TRPM3: variants seen among roughly 807,000 people sequenced by gnomAD.
TRPM3 encodes the protein transient receptor potential cation channel subfamily M member 3.
TRPM3 carries 77 observed loss-of-function variants against 181.2 expected under a neutral mutation model. The observed-to-expected ratio is 0.42, with a 90% CI of 0.35 to 0.51. The LOEUF (loss-of-function observed/expected upper bound fraction) is 0.51, where lower values mean the gene tolerates loss of function less well. Ranked by LOEUF, TRPM3 falls within the 20% of genes least tolerant of loss-of-function variation. The probability of loss-of-function intolerance (pLI) is 0.01; values close to 1 mark genes in which losing one functional copy is unlikely to be tolerated. For synonymous variants in TRPM3, 745 were observed against 796.4 expected (o/e 0.94, Z 1.09); for missense variants, 1,759 against 2,196.7 (o/e 0.80, Z 3.98).
chr9:71,214,003 T>C (rs889126775), intron 1 of TRPM3, among the ~76,000 whole-genome samples: 3 of 152,206 alleles, frequency 2.0e-5, no homozygotes, highest in African/African-American at 7.2e-5. Flanking sequence ...AATGCTTTGT[T>C]TTCTGCCTCC....
At chr9:71,384,578 G>C (rs951315576) in intron 1 of TRPM3, among the ~76,000 whole-genome samples, 7 of 152,132 alleles carry the variant, frequency 4.6e-5, no homozygotes, top group Admixed American at 4.6e-4. Context: ...TTGTTGCCAT[G>C]GAAACTGCCA....
At chr9:70,801,956 C>T (rs924568700) in intron 6 of TRPM3, among the ~76,000 whole-genome samples, 2 of 152,156 alleles carry the variant, frequency 1.3e-5, no homozygotes, top group Non-Finnish European at 2.9e-5. Context: ...TAGCATGCAT[C>T]AGAATTCCCT....
chr9:70,923,765 T>C (rs2133315039), intron 1 of TRPM3, among the ~76,000 whole-genome samples: 2 of 148,530 alleles, frequency 1.3e-5, no homozygotes, highest in East Asian at 4.0e-4. Flanking sequence ...CTTGGCCGAG[T>C]AATACTGGCA....
chr9:70,583,660 G>A (rs908706572), intron 22 of TRPM3, among the ~76,000 whole-genome samples: 3 of 152,198 alleles, frequency 2.0e-5, no homozygotes, highest in Non-Finnish European at 2.9e-5. Context: ...TTCAAAAGGA[G>A]AGCCTCCTTT....
intron 1 of TRPM3, among the ~76,000 whole-genome samples, chr9:71,422,493 G>A (rs1478117536): frequency 5.3e-5 from 8 of 151,928 alleles, no homozygotes; most frequent in African/African-American, 7.2e-5. Context: ...TTGACCACAT[G>A]CCTAATTTCC....
At chr9:71,004,245 T>C (rs1354633670) in intron 1 of TRPM3, among the ~76,000 whole-genome samples, 2 of 152,226 alleles carry the variant, frequency 1.3e-5, no homozygotes, top group East Asian at 3.9e-4. Context: ...CCTGGCTGAA[T>C]TTCCCACAAA....
chr9:71,142,575 G>A (rs536697498), intron 1 of TRPM3, among the ~76,000 whole-genome samples: 53 of 151,926 alleles, frequency 3.5e-4, no homozygotes, highest in Admixed American at 1.6e-3. Context: ...TTTAAAGTGA[G>A]ATCAAATCTA....
chr9:70,658,910 T>A (rs189900129), intron 9 of TRPM3, among the ~76,000 whole-genome samples: 1 of 152,174 alleles, frequency 6.6e-6, no homozygotes, highest in East Asian at 1.9e-4. Context: ...TCTTTTTGAC[T>A]TTTGGTTTAA....
chr9:71,118,274 T>G (rs573972696), intron 1 of TRPM3, among the ~76,000 whole-genome samples: 32 of 152,168 alleles, frequency 2.1e-4, no homozygotes, highest in South Asian at 4.1e-4. Context: ...GTTGGCATGT[T>G]CAAAAATTGC....
intron 16 of TRPM3, 108 bp downstream of exon 16, chr9:70,619,968 G>T (rs3829095): frequency 9.4e-7 from 1 of 1,067,454 alleles, no homozygotes; most frequent in Non-Finnish European, 1.4e-6. Context: ...GCATCACTGG[G>T]GTGATACTGA....
At position 70,623,930 on chromosome 9, in the gene TRPM3, G is replaced by C. The variant is rs544548300; in HGVS notation, c.1809+1261C>G. On this transcript the variant is annotated intron_variant, in intron 14 of 25. Transcript: ENST00000677713. ...TGATTGGCAGATGGACTAAGGTTAT[G>C]TAGACTTGGACCTTTGGCAGATGTT... Among the ~76,000 whole-genome samples, 101 of 152,142 alleles carry C rather than the reference G, an allele frequency of 6.6e-4. 2 individuals are homozygous for C. In the South Asian group the frequency reaches 0.019, roughly 29 times the overall value.
intron 1 of TRPM3, among the ~76,000 whole-genome samples, chr9:71,151,551 T>A (rs1289945428): frequency 6.6e-6 from 1 of 152,058 alleles, no homozygotes; most frequent in Non-Finnish European, 1.5e-5. Flanking sequence ...AATTTGGCCA[T>A]CTTTATTAAA....
intron 1 of TRPM3, among the ~76,000 whole-genome samples, chr9:71,036,183 C>T (rs888043769): frequency 1.3e-5 from 2 of 151,944 alleles, no homozygotes; most frequent in Admixed American, 1.3e-4. Flanking sequence ...ATTTATTAAC[C>T]CTCAATTGAT....
intron 1 of TRPM3, among the ~76,000 whole-genome samples, chr9:71,406,269 A>G (rs1350632573): frequency 6.6e-6 from 1 of 152,248 alleles, no homozygotes; most frequent in Non-Finnish European, 1.5e-5. Flanking sequence ...AAATGAATGA[A>G]GAACAATGCA....
chr9:70,871,513 A>T (rs2095789410), intron 1 of TRPM3, among the ~76,000 whole-genome samples: 1 of 152,020 alleles, frequency 6.6e-6, no homozygotes, highest in Non-Finnish European at 1.5e-5. Context: ...AAAAACAAAA[A>T]TATTGCTGCC....
chr9:71,393,157 G>C (rs1354175135), intron 1 of TRPM3, among the ~76,000 whole-genome samples: 3 of 152,124 alleles, frequency 2.0e-5, no homozygotes, highest in Non-Finnish European at 4.4e-5. Context: ...AAAAGAGCCT[G>C]GTTCAGGCCA....
At chr9:70,948,311 G>T (rs535539293) in intron 1 of TRPM3, among the ~76,000 whole-genome samples, 24 of 150,782 alleles carry the variant, frequency 1.6e-4, no homozygotes, top group Non-Finnish European at 2.9e-4. Flanking sequence ...GCCTGGAAAA[G>T]TTGGGTGGGG....
At chr9:70,686,805 C>T (rs1246427746) in intron 8 of TRPM3, among the ~76,000 whole-genome samples, 4 of 139,682 alleles carry the variant, frequency 2.9e-5, no homozygotes, top group Non-Finnish European at 4.6e-5. Flanking sequence ...CTCCCTCCCT[C>T]TTTCTTTTCT....
intron 1 of TRPM3, among the ~76,000 whole-genome samples, chr9:71,098,412 G>A (rs1270156426): frequency 1.3e-5 from 2 of 152,150 alleles, no homozygotes; most frequent in Non-Finnish European, 2.9e-5. Flanking sequence ...AGCAAGCCAG[G>A]CTGCTGGGAA....
Sources: allele counts gnomAD v4.1 joint callset (sites outside exome capture counted in the v4.1 genomes callset), GRCh38; gene constraint gnomAD v4.1.1; transcripts MANE v1.5; gene names NCBI Gene and HGNC (gene_info 2026-07-23, HGNC 2026-07-21).